Variants in AHRR observed in about 807,000 individuals in gnomAD.
AHRR encodes the protein aryl hydrocarbon receptor repressor, also known as ahR repressor.
Under a neutral mutation model 44.0 loss-of-function variants are expected in AHRR, and 28 were observed. The observed-to-expected ratio is 0.64, with a 90% CI of 0.47 to 0.87. The LOEUF (loss-of-function observed/expected upper bound fraction) is 0.87, where lower values mean the gene tolerates loss of function less well. AHRR is among the 40% of genes least tolerant of loss of function. AHRR has a pLI of 0.00. For synonymous variants in AHRR, 434 were observed against 407.0 expected, an observed-to-expected ratio of 1.07 and a Z score of -0.80; for missense variants, 990 against 953.9, an observed-to-expected ratio of 1.04 and a Z score of -0.50.
At chr5:343,856 G>C in intron 1 of AHRR, 37 bp from the exon 2 acceptor site, 2 of 1,572,730 alleles carry the variant, frequency 1.3e-6, no homozygotes, top group Non-Finnish European at 1.7e-6. Context: ...GGCGCACGTG[G>C]CGCGTTCCGG....
chr5:363,727 C>T (rs1375048311), intron 3 of AHRR, among the ~76,000 whole-genome samples: 1 of 152,170 alleles, frequency 6.6e-6, no homozygotes, highest in Non-Finnish European at 1.5e-5. Flanking sequence ...CCTCGTGAAA[C>T]CCCTCTTGGA....
intron 1 of AHRR, among the ~76,000 whole-genome samples, chr5:328,032 GTGTT>G (rs1741774117): frequency 6.6e-6 from 1 of 152,030 alleles, no homozygotes; most frequent in Non-Finnish European, 1.5e-5. Context: ...AGAACATGCG[GTGTT>G]TGTTTTTTTG....
At chr5:409,968 G>A (rs558872178) in intron 4 of AHRR, among the ~76,000 whole-genome samples, 3 of 152,210 alleles carry the variant, frequency 2.0e-5, no homozygotes, top group African/African-American at 7.2e-5. Flanking sequence ...AGGAGTTGGG[G>A]TTCATTTTTC....
chr5:353,928 C>A lies in AHRR; in HGVS notation c.244+17C>A. On this transcript the variant is annotated intron_variant, in intron 3 of 10. Transcript: ENST00000684583. Reference sequence around the variant, plus strand: ...TCTTCCAAGGTAGGACTCTCACCTGCTCCCACCTGTTCACTTGAGTCAGGC... The same window carrying A: ...TCTTCCAAGGTAGGACTCTCACCTGATCCCACCTGTTCACTTGAGTCAGGC... 2 of 1,603,328 alleles carry A rather than the reference C, an allele frequency of 1.2e-6. No individual in the cohort carries two copies. Among genetic ancestry groups the A allele is most frequent in the Non-Finnish European group, 8.5e-7 (1 of 1,173,978 alleles).
intron 3 of AHRR, among the ~76,000 whole-genome samples, chr5:374,059 CGGGG>C (rs1743687249): frequency 6.6e-6 from 1 of 152,082 alleles, no homozygotes; most frequent in Admixed American, 6.5e-5. Context: ...GCGGGTGGGA[CGGGG>C]TCGGCTCCGC....
At chr5:322,562 G>C (rs907796644) in intron 1 of AHRR, 1 of 152,116 alleles carries the variant, frequency 6.6e-6, no homozygotes, top group African/African-American at 2.4e-5. Context: ...TCTTGCAGAA[G>C]GGTGGGCGTG....
chr5:377,363 C>T (rs189388579), intron 4 of AHRR, among the ~76,000 whole-genome samples: 53 of 152,322 alleles, frequency 3.5e-4, no homozygotes, highest in African/African-American at 1.2e-3. Flanking sequence ...AAGGGGGTTG[C>T]TGCCTCCACC....
chr5:396,413 G>A (rs1734708914), intron 4 of AHRR, among the ~76,000 whole-genome samples: 1 of 152,124 alleles, frequency 6.6e-6, no homozygotes, highest in African/African-American at 2.4e-5. Flanking sequence ...GAGGCGGGCG[G>A]CCCCAGCCTC....
At chr5:389,936 G>A (rs1734341490) in intron 4 of AHRR, among the ~76,000 whole-genome samples, 1 of 118,906 alleles carries the variant, frequency 8.4e-6, no homozygotes, top group Non-Finnish European at 1.8e-5. Flanking sequence ...GGAGGGGGAG[G>A]GGAAGGGAGG....
At chr5:331,384 A>G (rs1741904542) in intron 1 of AHRR, among the ~76,000 whole-genome samples, 1 of 70,670 alleles carries the variant, frequency 1.4e-5, no homozygotes, top group Admixed American at 1.2e-4. Context: ...TTTCTGTGGT[A>G]TTAGTGTTTT....
rs199509403 is a variant in AHRR, at chr5:427,930, G to A, written c.832G>A (p.Ala278Thr). The change falls in exon 8 of 11, where the codon GCA becomes ACA. Residue 278 changes from alanine (A) to threonine (T), a missense_variant. Transcript: ENST00000684583. ...CIAAPVLLPSAAEMKMRSALL... is the reference protein window; with the variant it reads ...CIAAPVLLPSTAEMKMRSALL... Reference sequence around the variant, plus strand: ...TGCGGCACCCGTTCTCCTCCCCTCCGCAGCGGAGATGAAAATGAGGAGCGC... The same window carrying A: ...TGCGGCACCCGTTCTCCTCCCCTCCACAGCGGAGATGAAAATGAGGAGCGC... 12 of 1,613,930 alleles carry A rather than the reference G, an allele frequency of 7.4e-6. No homozygotes were observed. Among genetic ancestry groups the A allele is most frequent in the South Asian group, 4.4e-5 (4 of 91,088 alleles).
chr5:399,645 G>C (rs1026230872), intron 4 of AHRR, among the ~76,000 whole-genome samples: 8 of 152,190 alleles, frequency 5.3e-5, no homozygotes, highest in Middle Eastern at 3.2e-3. Flanking sequence ...ACTCGCCAAG[G>C]GTTCGCAGCA....
At chr5:340,351 A>G (rs376522213) in intron 1 of AHRR, among the ~76,000 whole-genome samples, 2 of 152,070 alleles carry the variant, frequency 1.3e-5, no homozygotes, top group South Asian at 4.2e-4. Flanking sequence ...TAGCTTAAAC[A>G]ACAGAAATTT....
At chr5:374,234 C>T (rs921506677) in intron 3 of AHRR, among the ~76,000 whole-genome samples, 19 of 152,168 alleles carry the variant, frequency 1.2e-4, no homozygotes, top group Non-Finnish European at 1.9e-4. Flanking sequence ...CGGGGCGACC[C>T]CAGCAGCGTC....
rs1743541158 is a variant in AHRR, at chr5:370,593, C to T, written c.245-6017C>T. Reference sequence around the variant, plus strand: ...CAGGTGGTGGTCCATAGGGGACAGCCCCCAGGAAGATGCAGGTGACAGGGG... The same window carrying T: ...CAGGTGGTGGTCCATAGGGGACAGCTCCCAGGAAGATGCAGGTGACAGGGG... On this transcript the variant is annotated intron_variant, in intron 3 of 10. Coordinates refer to ENST00000684583, the MANE Select transcript of AHRR (RefSeq NM_001377236.1). The surrounding 1 kb of genome is among the most constrained non-coding windows in gnomAD (Gnocchi z 4.5). 6.6e-6 allele frequency among the ~76,000 whole-genome samples: 1 copy of T among 152,058 alleles called. No homozygotes were observed.
chr5:381,068 TC>T (rs1172095685), intron 4 of AHRR, among the ~76,000 whole-genome samples: 1 of 152,240 alleles, frequency 6.6e-6, no homozygotes, highest in African/African-American at 2.4e-5. Context: ...AAGGCATCAT[TC>T]CCTGGAAGGG....
chr5:394,918 G>A (rs1278056007), intron 4 of AHRR, among the ~76,000 whole-genome samples: 1 of 152,226 alleles, frequency 6.6e-6, no homozygotes, highest in Non-Finnish European at 1.5e-5. Context: ...GGGAGGGTGG[G>A]TGCTGGAGCT....
chr5:373,265 G>T (rs371273108), intron 3 of AHRR, among the ~76,000 whole-genome samples: 1 of 152,256 alleles, frequency 6.6e-6, no homozygotes. Context: ...CCTGCACCCG[G>T]CTGGGTCTCA....
At chr5:344,004 C>A in intron 2 of AHRR, 40 bp downstream of exon 2, 1 of 1,572,482 alleles carries the variant, frequency 6.4e-7, no homozygotes, top group Non-Finnish European at 8.6e-7. Flanking sequence ...GTTGTTGCAC[C>A]CATGGAAGGG....
Sources: gnomAD v4.1 joint callset for allele counts (sites outside exome capture counted in the v4.1 genomes callset) on GRCh38, gnomAD v4.1.1 for gene constraint, Gnocchi (gnomAD v3.1) non-coding constraint, MANE v1.5 for transcripts, NCBI Gene and HGNC (gene_info 2026-07-23, HGNC 2026-07-21) for gene names.